The following CPLANE1 variants were observed in gnomAD, a reference collection of about 807,000 sequenced individuals.
CPLANE1 encodes the protein ciliogenesis and planar polarity effector 1.
CPLANE1 carries 263 observed loss-of-function variants against 362.5 expected under a neutral mutation model. The ratio of observed to expected loss-of-function variants is 0.73; its 90% CI spans 0.66 to 0.80. CPLANE1 has a LOEUF of 0.80. Among genes scored for constraint, CPLANE1 ranks in the 30% least tolerant of loss-of-function variants. The pLI, the probability that CPLANE1 is intolerant of heterozygous loss-of-function variation, is 0.00. For synonymous variants in CPLANE1, 1,212 were observed against 1,302.6 expected (o/e 0.93, Z 1.50); for missense variants, 3,461 against 3,793.4 (o/e 0.91, Z 2.30).
At position 37,220,492 on chromosome 5, in the gene CPLANE1, G is replaced by T. The variant is rs192650404; in HGVS notation, c.2746+832C>A. ...AATTTAAATATACCTCTTTGAAAAA[G>T]TCAATCCAGATACTCTGCAATCTCT... On this transcript the variant is annotated intron_variant, in intron 15 of 52. Coordinates refer to ENST00000651892, the MANE Select transcript of CPLANE1 (RefSeq NM_001384732.1). Among the ~76,000 whole-genome samples, 545 of 151,836 alleles carry T rather than the reference G, an allele frequency of 3.6e-3. 3 individuals are homozygous for T. Among genetic ancestry groups the T allele is most frequent in the African/African-American group, 0.013 (524 of 41,394 alleles).
At chr5:37,225,411 G>A (rs1170464962) in intron 12 of CPLANE1, among the ~76,000 whole-genome samples, 1 of 151,962 alleles carries the variant, frequency 6.6e-6, no homozygotes, top group Admixed American at 6.6e-5. Context: ...CAATAGGCCT[G>A]GCTAATTTTT....
chr5:37,207,130 A>T (rs1445124436), intron 16 of CPLANE1, among the ~76,000 whole-genome samples: 1 of 152,234 alleles, frequency 6.6e-6, no homozygotes, highest in East Asian at 1.9e-4. Flanking sequence ...CCCTAATTGA[A>T]GTAACTTGAT....
intron 16 of CPLANE1, chr5:37,211,076 T>C: frequency 9.0e-6 from 8 of 889,584 alleles, no homozygotes; most frequent in Non-Finnish European, 1.5e-5. Flanking sequence ...ATTCTGCCAA[T>C]GGATTAATAA....
At chr5:37,234,363 T>A (rs1798434173) in intron 8 of CPLANE1, among the ~76,000 whole-genome samples, 2 of 137,456 alleles carry the variant, frequency 1.5e-5, no homozygotes, top group African/African-American at 2.7e-5. Context: ...GAATGAGAAA[T>A]TTACCAAGGA....
rs1770020363 is a variant in CPLANE1 at position 37,142,336 on chromosome 5, G to A, written c.8606C>T (p.Ser2869Phe). The A allele has an allele frequency of 6.2e-7, 1 of 1,601,520 alleles. No homozygotes were observed. Among genetic ancestry groups the A allele is most frequent in the African/African-American group, 1.4e-5 (1 of 73,956 alleles). The change falls in exon 44 of 53, where the codon TCC becomes TTC. Residue 2869 changes from serine (S) to phenylalanine (F), a missense_variant. Physicochemically the swap from Ser to Phe is radical, Grantham distance 155. Coordinates refer to ENST00000651892, the MANE Select transcript of CPLANE1 (RefSeq NM_001384732.1). ...AGGAGAAGTAGTATTCTGATCACTG[G>A]AACTGGAAAGGCTGACAGCTGAATC... ...TADSAVSLSS[S>F]SDQNTTSPGM...
chr5:37,166,591 C>G (rs1030639244), intron 35 of CPLANE1, among the ~76,000 whole-genome samples: 2 of 151,978 alleles, frequency 1.3e-5, no homozygotes, highest in Admixed American at 6.5e-5. Context: ...CTTACTGTGC[C>G]TAATCTGTAA....
At position 37,162,584 on chromosome 5, in the gene CPLANE1, A is replaced by T. The variant is rs369110813; in HGVS notation, c.7589-18T>A. On this transcript the variant is annotated intron_variant, in intron 37 of 52. Transcript: ENST00000651892. ...TAGCATTTCTTAAATATAATAAAAC[A>T]TTGGAAGTAATCATTGAGAAGCTAA... is the stretch of plus-strand genomic sequence containing the variant. 5.5e-5 allele frequency: 84 copies of T among 1,535,236 alleles called. No individual in the cohort carries two copies. The highest frequency in any genetic ancestry group is 7.4e-5 in the Non-Finnish European group (82 of 1,110,636).
intron 46 of CPLANE1, among the ~76,000 whole-genome samples, chr5:37,127,855 G>A (rs1198118743): frequency 6.6e-6 from 1 of 151,750 alleles, no homozygotes; most frequent in Admixed American, 6.6e-5. Context: ...ATTTATTTGT[G>A]TTTTTGAAAT....
chr5:37,204,479 T>C (rs1217526000), intron 18 of CPLANE1, among the ~76,000 whole-genome samples: 1 of 152,218 alleles, frequency 6.6e-6, no homozygotes, highest in African/African-American at 2.4e-5. Context: ...TCTATCATTT[T>C]TAATTTTTTA....
chr5:37,110,514 T>C (rs1758859247), intron 51 of CPLANE1, among the ~76,000 whole-genome samples: 1 of 152,220 alleles, frequency 6.6e-6, no homozygotes, highest in Non-Finnish European at 1.5e-5. Flanking sequence ...AGTAAGAGTT[T>C]CACCTTCTCA....
downstream of CPLANE1, among the ~76,000 whole-genome samples, chr5:37,103,024 A>G (rs956768407): frequency 3.3e-5 from 5 of 152,204 alleles, no homozygotes; most frequent in Non-Finnish European, 7.3e-5. Flanking sequence ...TGGGAATCTA[A>G]GTCTCTTTGA....
At chr5:37,145,173 T>C (rs1771154609) in intron 43 of CPLANE1, among the ~76,000 whole-genome samples, 1 of 151,858 alleles carries the variant, frequency 6.6e-6, no homozygotes, top group Non-Finnish European at 1.5e-5. Context: ...GGTGTGGTGG[T>C]GTGCACCTGT....
intron 9 of CPLANE1, among the ~76,000 whole-genome samples, chr5:37,229,594 G>A (rs1173759836): frequency 6.6e-6 from 1 of 151,942 alleles, no homozygotes; most frequent in Non-Finnish European, 1.5e-5. Context: ...CCCTACCTCA[G>A]TTTCCTTTCT....
chr5:37,144,841 ACT>A (rs1278778326), intron 43 of CPLANE1, among the ~76,000 whole-genome samples: 2 of 147,802 alleles, frequency 1.4e-5, no homozygotes, highest in African/African-American at 2.5e-5. Flanking sequence ...ACAGAGCGAG[ACT>A]CTGTCTCAAA....
chr5:37,096,936 G>A, the CPLANE1 span, among the ~76,000 whole-genome samples: 1 of 152,094 alleles, frequency 6.6e-6, no homozygotes, highest in Non-Finnish European at 1.5e-5. Context: ...CAGTGAACAG[G>A]GAACACTTCT....
intron 43 of CPLANE1, among the ~76,000 whole-genome samples, chr5:37,144,768 A>G (rs1771007220): frequency 6.7e-6 from 1 of 150,350 alleles, no homozygotes; most frequent in African/African-American, 2.5e-5. Context: ...GGAGAATGGC[A>G]TGAACCCAGG....
At chr5:37,101,932 G>A (rs543815814), downstream of CPLANE1, among the ~76,000 whole-genome samples, 7 of 152,078 alleles carry the variant, frequency 4.6e-5, no homozygotes, top group African/African-American at 1.7e-4. Flanking sequence ...TATTTCTGTG[G>A]GGTCAGTGGT....
chr5:37,245,867 G>A, intron 2 of CPLANE1, 22 bp from the exon 3 acceptor site: 1 of 1,463,618 alleles, frequency 6.8e-7, no homozygotes, highest in Non-Finnish European at 9.0e-7. Flanking sequence ...AACATGTGAA[G>A]GACTCAAGAG....
intron 46 of CPLANE1, among the ~76,000 whole-genome samples, chr5:37,135,317 T>C (rs1016993489): frequency 6.6e-6 from 1 of 152,174 alleles, no homozygotes; most frequent in Admixed American, 6.5e-5. Context: ...TCTGAAAGTA[T>C]GGTTGGTATG....
Sources: gnomAD v4.1 joint callset for allele counts (sites outside exome capture counted in the v4.1 genomes callset) on GRCh38, gnomAD v4.1.1 for gene constraint, MANE v1.5 for transcripts, NCBI Gene and HGNC (gene_info 2026-07-23, HGNC 2026-07-21) for gene names.